TTC6: variants seen among roughly 807,000 people sequenced by gnomAD.
TTC6 encodes the protein tetratricopeptide repeat domain 6.
In TTC6, 172 loss-of-function variants were observed where a neutral mutation model predicts 210.4. The ratio of observed to expected loss-of-function variants is 0.82; its 90% CI spans 0.72 to 0.93. The LOEUF (loss-of-function observed/expected upper bound fraction) is 0.93, where lower values mean the gene tolerates loss of function less well. TTC6 is among the 40% of genes least tolerant of loss of function. The pLI is 0.00. For synonymous variants in TTC6, 804 were observed against 819.6 expected, an observed-to-expected ratio of 0.98 and a Z score of 0.32; for missense variants, 2,414 against 2,318.1, an observed-to-expected ratio of 1.04 and a Z score of -0.85.
intron 21 of TTC6, 94 bp from the exon 24 acceptor site, chr14:37,806,267 T>G (rs2096118366): frequency 7.8e-7 from 1 of 1,284,786 alleles, no homozygotes; most frequent in Non-Finnish European, 1.0e-6. Context: ...GAGTGAAACT[T>G]TTCAACAATA....
intron 29 of TTC6, among the ~76,000 whole-genome samples, chr14:37,830,388 G>A (rs950899413): frequency 2.0e-5 from 3 of 151,740 alleles, no homozygotes; most frequent in East Asian, 3.9e-4. Context: ...GATAAGTGTT[G>A]TTGAATTCAG....
intron 1 of TTC6, among the ~76,000 whole-genome samples, chr14:37,629,361 T>G (rs974466412): frequency 4.6e-5 from 7 of 152,220 alleles, no homozygotes; most frequent in Admixed American, 1.3e-4. Flanking sequence ...TTTTTTTCTT[T>G]GCAGCATTTG....
At chr14:37,801,791 AG>A (rs2096107267) in intron 20 of TTC6, among the ~76,000 whole-genome samples, 1 of 152,204 alleles carries the variant, frequency 6.6e-6, no homozygotes, top group African/African-American at 2.4e-5. Flanking sequence ...GCAGAGAAAT[AG>A]GAACGCTTTT....
intron 10 of TTC6, among the ~76,000 whole-genome samples, chr14:37,739,977 C>T (rs182738392): frequency 5.3e-5 from 8 of 151,980 alleles, no homozygotes; most frequent in Admixed American, 2.0e-4. Context: ...TCGTGGCTAA[C>T]GCAGTGAAAC....
chr14:37,624,111 A>G (rs1392008422), intron 1 of TTC6, among the ~76,000 whole-genome samples: 1 of 152,166 alleles, frequency 6.6e-6, no homozygotes, highest in African/African-American at 2.4e-5. Context: ...TGATTTAAGG[A>G]ATGTGACCAT....
At chr14:37,597,862 G>A (rs1230292756) in intron 1 of TTC6, among the ~76,000 whole-genome samples, 1 of 152,168 alleles carries the variant, frequency 6.6e-6, no homozygotes, top group Non-Finnish European at 1.5e-5. Flanking sequence ...GGCCAAGATG[G>A]AAGGAGAGAT....
At chr14:37,803,284 C>T (rs916321525) in intron 20 of TTC6, among the ~76,000 whole-genome samples, 1 of 152,062 alleles carries the variant, frequency 6.6e-6, no homozygotes, top group Non-Finnish European at 1.5e-5. Flanking sequence ...TTCTCAAATC[C>T]ACTTTCTTTA....
intron 3 of TTC6, among the ~76,000 whole-genome samples, chr14:37,691,483 T>A (rs1423122386): frequency 1.3e-5 from 2 of 152,140 alleles, no homozygotes; most frequent in African/African-American, 2.4e-5. Flanking sequence ...AATTGAAAAA[T>A]TTTTTTGAAA....
chr14:37,735,898 A>G, intron 7 of TTC6, 23 bp from the exon 10 acceptor site: 1 of 1,417,796 alleles, frequency 7.1e-7, no homozygotes, highest in Middle Eastern at 1.7e-4. Context: ...ACATAATTTA[A>G]AATTGTTATC....
chr14:37,624,864 G>C (rs890584573), intron 1 of TTC6, among the ~76,000 whole-genome samples: 1 of 151,824 alleles, frequency 6.6e-6, no homozygotes, highest in Non-Finnish European at 1.5e-5. Flanking sequence ...CTCGTGATCC[G>C]CCCGCCTCGG....
intron 29 of TTC6, among the ~76,000 whole-genome samples, chr14:37,834,585 T>A (rs764854141): frequency 6.6e-6 from 1 of 152,166 alleles, no homozygotes. Context: ...CATGAAGTTT[T>A]TTTTATTTCT....
In TTC6 at chr14:37,813,232, C is replaced by T. The variant is rs188995839; in HGVS notation, c.4689+799C>T. Among the ~76,000 whole-genome samples, 161 of 152,144 alleles carry T rather than the reference C, an allele frequency of 1.1e-3. 1 individual carries two copies. The highest frequency in any genetic ancestry group is 3.6e-3 in the African/African-American group (150 of 41,500). On this transcript the variant is annotated intron_variant, in intron 25 of 30. Transcript: ENST00000553443. ...GAGATTCTGTCCAAATAATCATTTA[C>T]CTTTGAGGAAGTTTACACTATGAAT... is the stretch of plus-strand genomic sequence containing the variant.
chr14:37,686,698 G>A (rs1055408445), intron 3 of TTC6, among the ~76,000 whole-genome samples: 3 of 152,130 alleles, frequency 2.0e-5, no homozygotes, highest in African/African-American at 7.2e-5. Context: ...GAGAATGAGA[G>A]CCAAGAGAAA....
intron 10 of TTC6, among the ~76,000 whole-genome samples, chr14:37,739,953 G>A (rs560418018): frequency 3.4e-4 from 51 of 152,128 alleles, no homozygotes; most frequent in Admixed American, 1.2e-3. Context: ...CACGAGGTCA[G>A]GAGATCGAGA....
At chr14:37,740,232 GT>G (rs1348100648) in intron 10 of TTC6, among the ~76,000 whole-genome samples, 3 of 151,640 alleles carry the variant, frequency 2.0e-5, no homozygotes, top group African/African-American at 7.2e-5. Context: ...CACAGAAATA[GT>G]TTTTTCCTTA....
At position 37,603,713 on chromosome 14, in the gene TTC6, C is replaced by A. The variant is rs2095619950; in HGVS notation, c.-234-2950C>A. 2.6e-5 allele frequency among the ~76,000 whole-genome samples: 4 copies of A among 152,318 alleles called. No homozygotes were observed. The South Asian group carries it at 8.3e-4, about 32-fold the overall frequency. On this transcript the variant is annotated intron_variant, in intron 1 of 2. Coordinates refer to the TTC6 transcript ENST00000556845. ...GCTCAGCACTCTACACACTCCTCTC[C>A]CTAGGGCTGGCAGGCTCAGGCCACT...
intron 2 of TTC6, among the ~76,000 whole-genome samples, chr14:37,617,038 G>A (rs567583416): frequency 2.6e-5 from 4 of 152,028 alleles, no homozygotes; most frequent in East Asian, 1.9e-4. Flanking sequence ...CAACATGCCC[G>A]GTTAATTTTT....
chr14:37,786,024 C>G (rs544265574), intron 14 of TTC6, among the ~76,000 whole-genome samples: 1 of 152,284 alleles, frequency 6.6e-6, no homozygotes, highest in Non-Finnish European at 1.5e-5. Context: ...TATGAGGCGT[C>G]TGTTGGCCCC....
chr14:37,701,522 G>C (rs1345033661), exon 5 of TTC6: 1 of 1,452,082 alleles, frequency 6.9e-7, no homozygotes, highest in Non-Finnish European at 9.0e-7. Flanking sequence ...AGAACAAACA[G>C]ATAGGTAAGA....
Sources: allele counts gnomAD v4.1 joint callset (sites outside exome capture counted in the v4.1 genomes callset), GRCh38; gene constraint gnomAD v4.1.1; transcripts MANE v1.5; gene names NCBI Gene and HGNC (gene_info 2026-07-23, HGNC 2026-07-21).